MGLL: variants seen among roughly 807,000 people sequenced by gnomAD.
The protein encoded by MGLL is lysophospholipase homolog.
A neutral mutation model predicts 29.1 loss-of-function variants in MGLL; 7 were observed. The observed-to-expected ratio is 0.24, with a 90% CI of 0.14 to 0.45. The LOEUF (loss-of-function observed/expected upper bound fraction) is 0.45, where lower values mean the gene tolerates loss of function less well. MGLL is among the 20% of genes least tolerant of loss of function. MGLL has a pLI of 0.99. For synonymous variants in MGLL, 148 were observed against 168.3 expected, an observed-to-expected ratio of 0.88 and a Z score of 0.93; for missense variants, 356 against 413.6, an observed-to-expected ratio of 0.86 and a Z score of 1.21.
intron 2 of MGLL, among the ~76,000 whole-genome samples, chr3:127,793,678 C>G (rs1458663935): frequency 6.6e-6 from 1 of 152,208 alleles, no homozygotes; most frequent in Non-Finnish European, 1.5e-5. Flanking sequence ...TGTCCTGCCT[C>G]AGCCTCCTAA....
intron 2 of MGLL, among the ~76,000 whole-genome samples, chr3:127,798,088 A>T (rs2077414888): frequency 6.6e-6 from 1 of 152,236 alleles, no homozygotes; most frequent in Non-Finnish European, 1.5e-5. Flanking sequence ...AGGTCAAATA[A>T]TCATAACAGG....
Position 127,736,684 on chromosome 3 carries a change from A to G in MGLL, c.263-14118T>C, listed in dbSNP as rs527762976. ...GGCCTGCTACTCCTCTTGTTTGTTT[A>G]TTTATTTATTTGTGTATTTTTATTT... On this transcript the variant is annotated intron_variant, in intron 3 of 7. Transcript: ENST00000265052. 2.6e-5 allele frequency among the ~76,000 whole-genome samples: 4 copies of G among 152,006 alleles called. No homozygotes were observed. In the East Asian group the frequency reaches 5.8e-4, roughly 22 times the overall value.
chr3:127,822,574 A>C (rs920872001), upstream of MGLL: 3 of 536,142 alleles, frequency 5.6e-6, no homozygotes, highest in Non-Finnish European at 6.6e-6. Context: ...CTACTAGTTC[A>C]TGTCATCACT....
At chr3:127,702,184 C>T (rs1272612416) in intron 6 of MGLL, among the ~76,000 whole-genome samples, 2 of 152,258 alleles carry the variant, frequency 1.3e-5, no homozygotes, top group Non-Finnish European at 2.9e-5. Flanking sequence ...CCTCTTTCCC[C>T]TCTGGGCCAC....
At chr3:127,744,165 ACTAAAAGGCTG>A (rs1040923728) in intron 3 of MGLL, among the ~76,000 whole-genome samples, 1 of 152,210 alleles carries the variant, frequency 6.6e-6, no homozygotes, top group African/African-American at 2.4e-5. Context: ...AATGTAACCA[ACTAAAAGGCTG>A]CTAACGGTGC....
intron 3 of MGLL, among the ~76,000 whole-genome samples, chr3:127,753,004 A>G (rs1266171569): frequency 6.6e-6 from 1 of 152,224 alleles, no homozygotes; most frequent in Non-Finnish European, 1.5e-5. Flanking sequence ...GGTCCTGCAC[A>G]GGGAAAAACA....
intron 2 of MGLL, among the ~76,000 whole-genome samples, chr3:127,807,490 T>A (rs1405501518): frequency 6.6e-6 from 1 of 152,048 alleles, no homozygotes; most frequent in Non-Finnish European, 1.5e-5. Flanking sequence ...ATCTTTATGA[T>A]TTTCTTCCTT....
intron 3 of MGLL, among the ~76,000 whole-genome samples, chr3:127,781,238 G>C (rs2077119869): frequency 6.6e-6 from 1 of 152,206 alleles, no homozygotes; most frequent in Non-Finnish European, 1.5e-5. Flanking sequence ...GTGTATGTGT[G>C]TGCATGTGTA....
intron 3 of MGLL, among the ~76,000 whole-genome samples, chr3:127,746,846 AC>A (rs1471085538): frequency 2.0e-5 from 3 of 150,344 alleles, no homozygotes; most frequent in Non-Finnish European, 3.0e-5. Flanking sequence ...CACAAGATCC[AC>A]CCAGTCCATG....
chr3:127,746,963 C>G (rs1288558455), intron 3 of MGLL, among the ~76,000 whole-genome samples: 1 of 152,180 alleles, frequency 6.6e-6, no homozygotes, highest in Non-Finnish European at 1.5e-5. Flanking sequence ...GACTCCTGAA[C>G]CTGCGCAAAC....
At chr3:127,794,681 G>A (rs765049684) in intron 2 of MGLL, among the ~76,000 whole-genome samples, 27 of 152,178 alleles carry the variant, frequency 1.8e-4, no homozygotes, top group Non-Finnish European at 3.4e-4. Flanking sequence ...TATCTTCCAC[G>A]ATGTGGAACT....
chr3:127,763,390 G>C (rs1360044754), intron 3 of MGLL, among the ~76,000 whole-genome samples: 1 of 152,240 alleles, frequency 6.6e-6, no homozygotes, highest in Non-Finnish European at 1.5e-5. Flanking sequence ...GCGAAGCCAG[G>C]TTGGATGCAG....
chr3:127,710,671 CG>C lies in MGLL; in HGVS notation c.511-7del. ...AGCACTTTCGCAGCAAGGACCTAGC[CG>C]GGGAGGGAAAACAAGGGCTGTGAGC... On this transcript the variant is annotated splice_polypyrimidine_tract_variant and splice_region_variant and intron_variant, in intron 5 of 7. Transcript: ENST00000265052. 1 of 1,562,072 alleles carries C rather than the reference CG, an allele frequency of 6.4e-7. No individual in the cohort carries two copies. Among genetic ancestry groups the C allele is most frequent in the East Asian group, 2.4e-5 (1 of 42,372 alleles).
intron 2 of MGLL, among the ~76,000 whole-genome samples, chr3:127,790,895 G>A (rs781159548): frequency 6.6e-6 from 1 of 152,052 alleles, no homozygotes; most frequent in East Asian, 1.9e-4. Flanking sequence ...CAGATCCCAC[G>A]AGTTCCCCCG....
chr3:127,720,383 G>A (rs9867736), intron 5 of MGLL, among the ~76,000 whole-genome samples: 367 of 152,212 alleles, frequency 2.4e-3, no homozygotes, highest in African/African-American at 8.3e-3. Context: ...CTGATACCTT[G>A]TCAACAAGCC....
rs182531463 is a variant in MGLL, at chr3:127,791,925, G to A, written c.156-10030C>T. On this transcript the variant is annotated intron_variant, in intron 2 of 7. Coordinates refer to ENST00000265052, the MANE Select transcript of MGLL (RefSeq NM_007283.7). ...GTCTCTACTAAAATACAAAACAGCC[G>A]GGCATGGTGATGAGTGCTTGTAGTC... 3.7e-4 allele frequency among the ~76,000 whole-genome samples: 56 copies of A among 152,258 alleles called. 1 individual carries two copies. Among genetic ancestry groups the A allele is most frequent in the African/African-American group, 9.1e-4 (38 of 41,554 alleles).
At chr3:127,692,402 A>T (rs754583942) in intron 7 of MGLL, 79 bp from the exon 8 acceptor site, 2 of 1,568,002 alleles carry the variant, frequency 1.3e-6, no homozygotes, top group Non-Finnish European at 1.7e-6. Flanking sequence ...GGCAGTGGGC[A>T]GGGGTCTGCA....
intron 2 of MGLL, among the ~76,000 whole-genome samples, chr3:127,801,117 C>A (rs1380546352): frequency 2.6e-5 from 4 of 151,704 alleles, no homozygotes; most frequent in African/African-American, 9.7e-5. Context: ...GCCTGACTAA[C>A]ATGGTGAAAC....
chr3:127,709,275 C>G (rs923977663), intron 6 of MGLL, among the ~76,000 whole-genome samples: 3 of 152,190 alleles, frequency 2.0e-5, no homozygotes, highest in African/African-American at 7.2e-5. Context: ...TTGGGAGGCA[C>G]TGTGGGCTTT....
Sources: gnomAD v4.1 joint callset for allele counts (sites outside exome capture counted in the v4.1 genomes callset) on GRCh38, gnomAD v4.1.1 for gene constraint, MANE v1.5 for transcripts, NCBI Gene and HGNC (gene_info 2026-07-23, HGNC 2026-07-21) for gene names.